The following RBFOX1 variants were observed in gnomAD, a reference collection of about 807,000 sequenced individuals.
The protein encoded by RBFOX1 is RNA binding fox-1 homolog 1.
RBFOX1 carries 8 observed loss-of-function variants against 57.7 expected under a neutral mutation model. That is an observed-to-expected ratio of 0.14 (90% CI 0.08 to 0.25). RBFOX1 has a LOEUF of 0.25. Among genes scored for constraint, RBFOX1 ranks in the 10% least tolerant of loss-of-function variants. The pLI, the probability that RBFOX1 is intolerant of heterozygous loss-of-function variation, is 1.00. For missense variants in RBFOX1, 611 were observed against 548.5 expected (o/e 1.11, Z -1.14); for synonymous variants, 326 against 222.4 (o/e 1.47, Z -4.15).
chr16:7,500,333 G>A (rs920569528), intron 4 of RBFOX1, among the ~76,000 whole-genome samples: 1 of 152,166 alleles, frequency 6.6e-6, no homozygotes, highest in African/African-American at 2.4e-5. Flanking sequence ...CTTCAATACT[G>A]TGTGCTTCTG....
intron 3 of RBFOX1, among the ~76,000 whole-genome samples, chr16:5,659,962 A>ATTC (rs1317476029): frequency 2.6e-5 from 4 of 152,250 alleles, no homozygotes; most frequent in Admixed American, 2.6e-4. Context: ...ATCAATTGAT[A>ATTC]AATCACAGGT....
intron 14 of RBFOX1, among the ~76,000 whole-genome samples, chr16:7,684,767 G>T (rs1316982042): frequency 6.6e-6 from 1 of 152,042 alleles, no homozygotes; most frequent in African/African-American, 2.4e-5. Flanking sequence ...TTGTTAGAGT[G>T]TTTGTGGATG....
At chr16:5,664,223 G>A (rs1653115104) in intron 3 of RBFOX1, among the ~76,000 whole-genome samples, 1 of 152,182 alleles carries the variant, frequency 6.6e-6, no homozygotes, top group African/African-American at 2.4e-5. Context: ...CTCGAGCCAA[G>A]CTGTGCAACG....
At chr16:5,993,265 T>C (rs1333162473) in intron 4 of RBFOX1, among the ~76,000 whole-genome samples, 1 of 152,162 alleles carries the variant, frequency 6.6e-6, no homozygotes, top group African/African-American at 2.4e-5. Context: ...TTAATTTCTC[T>C]TTCTTTTTGT....
intron 4 of RBFOX1, among the ~76,000 whole-genome samples, chr16:7,324,319 A>T (rs1473226514): frequency 6.6e-6 from 1 of 152,214 alleles, no homozygotes; most frequent in Non-Finnish European, 1.5e-5. Context: ...CTCATTTACC[A>T]GTCCTGGAGA....
At chr16:6,567,094 C>G (rs1472740172) in intron 2 of RBFOX1, among the ~76,000 whole-genome samples, 1 of 152,164 alleles carries the variant, frequency 6.6e-6, no homozygotes, top group African/African-American at 2.4e-5. Context: ...GACTGATACT[C>G]TATTAAATGA....
intron 3 of RBFOX1, among the ~76,000 whole-genome samples, chr16:5,826,797 T>A: frequency 6.6e-6 from 1 of 152,236 alleles, no homozygotes; most frequent in Admixed American, 6.5e-5. Context: ...TCCAAATATA[T>A]TATTTATTCA....
At chr16:7,635,935 C>A (rs1274775495) in intron 11 of RBFOX1, among the ~76,000 whole-genome samples, 1 of 152,148 alleles carries the variant, frequency 6.6e-6, no homozygotes, top group Non-Finnish European at 1.5e-5. Context: ...CTCAGCCTCC[C>A]AAGTAGCTGG....
At chr16:6,488,970 G>T (rs905005179) in intron 2 of RBFOX1, among the ~76,000 whole-genome samples, 1 of 152,104 alleles carries the variant, frequency 6.6e-6, no homozygotes, top group Non-Finnish European at 1.5e-5. Flanking sequence ...TCTCTGGTTG[G>T]ATACTGTGAC....
chr16:5,788,580 G>A (rs765253364), intron 3 of RBFOX1, among the ~76,000 whole-genome samples: 1 of 152,192 alleles, frequency 6.6e-6, no homozygotes, highest in Non-Finnish European at 1.5e-5. Context: ...AGTGAGCCGG[G>A]ATCGTGCCAC....
chr16:7,186,293 T>TAAACATAAACATATTTATATAAAC (rs2083774369), intron 4 of RBFOX1, among the ~76,000 whole-genome samples: 1 of 105,214 alleles, frequency 9.5e-6, no homozygotes, highest in South Asian at 3.3e-4. Flanking sequence ...TTTATATAAA[T>TAAACATAAACATATTTATATAAAC]ATAAACATAA....
intron 1 of RBFOX1, among the ~76,000 whole-genome samples, chr16:5,370,791 C>G (rs2065838997): frequency 2.0e-5 from 3 of 151,878 alleles, no homozygotes; most frequent in East Asian, 2.0e-4. Flanking sequence ...GCATGCCTGG[C>G]CTCTTCCTCT....
intron 4 of RBFOX1, among the ~76,000 whole-genome samples, chr16:7,377,013 C>G (rs1392067774): frequency 6.6e-6 from 1 of 152,122 alleles, no homozygotes; most frequent in Non-Finnish European, 1.5e-5. Flanking sequence ...CAGTGATTTC[C>G]ATAGGTCCCT....
At chr16:5,395,340 G>T (rs1368978962) in intron 1 of RBFOX1, among the ~76,000 whole-genome samples, 2 of 152,170 alleles carry the variant, frequency 1.3e-5, no homozygotes, top group Non-Finnish European at 2.9e-5. Context: ...AACTTGGATC[G>T]GAAGATTTGT....
chr16:7,589,125 C>G (rs1211217645), intron 7 of RBFOX1, among the ~76,000 whole-genome samples: 3 of 152,224 alleles, frequency 2.0e-5, no homozygotes, highest in Non-Finnish European at 4.4e-5. Flanking sequence ...CAGCCTAATT[C>G]TGTTCACTCG....
chr16:5,876,893 A>G (rs1002884045), intron 4 of RBFOX1, among the ~76,000 whole-genome samples: 1 of 152,186 alleles, frequency 6.6e-6, no homozygotes, highest in African/African-American at 2.4e-5. Flanking sequence ...AGACAGACTC[A>G]GCCACAGTGG....
At chr16:6,564,358 G>C (rs553950340) in intron 2 of RBFOX1, among the ~76,000 whole-genome samples, 3 of 152,126 alleles carry the variant, frequency 2.0e-5, no homozygotes, top group Non-Finnish European at 2.9e-5. Flanking sequence ...AGGAAATACT[G>C]TGTTCGTAAA....
rs530450387 is a variant in RBFOX1, at chr16:6,844,080, A to C, written c.-16+189430A>C. Among the ~76,000 whole-genome samples, 18 of 151,234 alleles carry C rather than the reference A, an allele frequency of 1.2e-4. No individual in the cohort carries two copies. In the East Asian group the frequency reaches 3.3e-3, roughly 28 times the overall value. ...CTCTGTCTCTCTCTCCCCACCCCCA[A>C]ATCCCTCTCTGTCTCTAAGCCACCA... is the stretch of plus-strand genomic sequence containing the variant. On this transcript the variant is annotated intron_variant, in intron 3 of 15. Transcript: ENST00000550418.
At chr16:5,822,350 G>A (rs532541315) in intron 3 of RBFOX1, among the ~76,000 whole-genome samples, 5 of 152,020 alleles carry the variant, frequency 3.3e-5, no homozygotes, top group Non-Finnish European at 5.9e-5. Context: ...TTGGGTGGTG[G>A]GTGTGGCAGG....
Sources: gnomAD v4.1 joint callset for allele counts (sites outside exome capture counted in the v4.1 genomes callset) on GRCh38, gnomAD v4.1.1 for gene constraint, MANE v1.5 for transcripts, NCBI Gene and HGNC (gene_info 2026-07-23, HGNC 2026-07-21) for gene names.